IL1A: variants seen among roughly 807,000 people sequenced by gnomAD.
IL1A encodes the protein interleukin-1 alpha.
IL1A carries 16 observed loss-of-function variants against 22.2 expected under a neutral mutation model. The ratio of observed to expected loss-of-function variants is 0.72; its 90% CI spans 0.49 to 1.09. IL1A has a LOEUF of 1.09. IL1A is among the 50% of genes least tolerant of loss of function. The pLI is 0.00. For missense variants in IL1A, 317 were observed against 321.8 expected, an observed-to-expected ratio of 0.99 and a Z score of 0.11; for synonymous variants, 113 against 118.5, an observed-to-expected ratio of 0.95 and a Z score of 0.30.
rs760758291 is a variant in IL1A at position 112,781,773 on chromosome 2, T to A, written c.150A>T (p.Gln50His). The part of the protein sequence containing the change: ...YGPLHEGCMD[Q>H]SVSLSISETS... ...TTTCAGAGATACTCAGAGACACAGA[T>A]TGATCCATGCAGCCTTCATGGAGTG... is the stretch of plus-strand genomic sequence containing the variant. The change falls in exon 4 of 7, where the codon CAA becomes CAT. Residue 50 changes from glutamine (Q) to histidine (H), a missense_variant. Transcript: ENST00000263339. The A allele has an allele frequency of 6.2e-7, 1 of 1,614,168 alleles. No individual in the cohort carries two copies. The highest frequency in any genetic ancestry group is 1.1e-5 in the South Asian group (1 of 91,076).
At chr2:112,782,394 C>T (rs1433287343) in intron 3 of IL1A, among the ~76,000 whole-genome samples, 2 of 152,198 alleles carry the variant, frequency 1.3e-5, no homozygotes, top group East Asian at 1.9e-4. Context: ...CAACACATCA[C>T]GTTAGGAGAC....
intron 3 of IL1A, among the ~76,000 whole-genome samples, chr2:112,782,454 A>G (rs1037698799): frequency 6.6e-6 from 1 of 152,196 alleles, no homozygotes; most frequent in African/African-American, 2.4e-5. Flanking sequence ...TGGCATAACT[A>G]ACATCCTGAT....
At chr2:112,783,812 G>A (rs781201225) in intron 1 of IL1A, 34 bp from the exon 2 acceptor site, 2 of 1,593,766 alleles carry the variant, frequency 1.3e-6, no homozygotes, top group Non-Finnish European at 1.7e-6. Flanking sequence ...CATCAGCTCA[G>A]CCAGCCTCTA....
intron 4 of IL1A, among the ~76,000 whole-genome samples, chr2:112,781,169 A>C (rs1422254772): frequency 6.6e-6 from 1 of 152,220 alleles, no homozygotes; most frequent in African/African-American, 2.4e-5. Context: ...CAGCTAGCTC[A>C]GTCTGTAAAG....
intron 1 of IL1A, among the ~76,000 whole-genome samples, chr2:112,784,109 T>G (rs1235787848): frequency 6.6e-6 from 1 of 152,192 alleles, no homozygotes; most frequent in African/African-American, 2.4e-5. Flanking sequence ...TACACAGAGG[T>G]AAGAGAGAGA....
chr2:112,779,544 T>G lies in IL1A; in HGVS notation c.442A>C (p.Asn148His). 1 of 1,609,856 alleles carries G rather than the reference T, an allele frequency of 6.2e-7. No homozygotes were observed. The highest frequency in any genetic ancestry group is 8.5e-7 in the Non-Finnish European group (1 of 1,176,790). Residue 148 changes from asparagine (N) to histidine (H), a missense_variant, in exon 5 of 7, where the codon AAT becomes CAT. By Grantham distance (68) the Asn-to-His change is moderately conservative. Transcript: ENST00000263339. Reference sequence around the variant, plus strand: ...GCAGCAGCCGTGAGGTACTGATCATTGGCTCGAATTATACTTTGATTGAGG... The same window carrying G: ...GCAGCAGCCGTGAGGTACTGATCATGGGCTCGAATTATACTTTGATTGAGG... Reference protein sequence around the residue: ...DALNQSIIRANDQYLTAAALH... With the variant: ...DALNQSIIRAHDQYLTAAALH...
rs1681079393 is a variant in IL1A at position 112,775,184 on chromosome 2, A to G, written c.699T>C (p.Tyr233=). 5.0e-6 allele frequency: 8 copies of G among 1,614,088 alleles called. No individual in the cohort carries two copies. The highest frequency in any genetic ancestry group is 3.3e-5 in the Admixed American group (2 of 60,012). The change falls in exon 7 of 7, where the codon TAT becomes TAC. Residue 233 remains tyrosine, a synonymous_variant. Coordinates refer to ENST00000263339, the MANE Select transcript of IL1A (RefSeq NM_000575.5). ...FFWETHGTKN[Y]FTSVAHPNLF... Reference sequence around the variant, plus strand: ...AGTTTGGATGGGCAACTGATGTGAAATAGTTCTTAGTGCCGTGAGTTTCCC... The same window carrying G: ...AGTTTGGATGGGCAACTGATGTGAAGTAGTTCTTAGTGCCGTGAGTTTCCC...
chr2:112,781,834 G>C lies in IL1A; in HGVS notation c.97-8C>G. On this transcript the variant is annotated splice_polypyrimidine_tract_variant and splice_region_variant and intron_variant, in intron 3 of 6. Coordinates refer to ENST00000263339, the MANE Select transcript of IL1A (RefSeq NM_000575.5). ...TACATGATAGAAGGATTTCTGTGAG[G>C]AAGGAAAACAGAAGCTGAGAGGCTG... is the stretch of plus-strand genomic sequence containing the variant. 6.3e-7 allele frequency: 1 copy of C among 1,596,100 alleles called. No individual in the cohort carries two copies. Among genetic ancestry groups the C allele is most frequent in the Non-Finnish European group, 8.6e-7 (1 of 1,163,584 alleles).
rs1681061371 is a variant in IL1A, at chr2:112,774,465, A to G, written c.*602T>C. 6.6e-6 allele frequency: 1 copy of G among 151,274 alleles called. No homozygotes were observed. The highest frequency in any genetic ancestry group is 2.4e-5 in the African/African-American group (1 of 41,322). The allele number at this position is 151,274 out of a possible 1,614,324, so 9.4% of individuals were successfully genotyped here. A position where few individuals can be genotyped will look rare whatever the true frequency, so the allele number is the denominator to read the frequency against. ...TACATATATAAATAATAATTAAAAA[A>G]TAACATTTCGTGCTTTGCCTTCATC... On this transcript the variant is annotated 3_prime_UTR_variant, in exon 7 of 7. Coordinates refer to ENST00000263339, the MANE Select transcript of IL1A (RefSeq NM_000575.5).
chr2:112,774,905 A>G lies in IL1A; in HGVS notation c.*162T>C, dbSNP rs1681073780. The G allele has an allele frequency of 1.7e-6, 1 of 600,764 alleles. No homozygotes were observed. The highest frequency in any genetic ancestry group is 2.8e-5 in the East Asian group (1 of 35,802). The allele number at this position is 600,764 out of a possible 1,614,324, so 37.2% of individuals were successfully genotyped here. ...TCTTTAAATAACAACATTATATGTT[A>G]GTGTTGGTTCCACTCTTACAAAGAG... is the stretch of plus-strand genomic sequence containing the variant. On this transcript the variant is annotated 3_prime_UTR_variant, in exon 7 of 7. Coordinates refer to ENST00000263339, the MANE Select transcript of IL1A (RefSeq NM_000575.5).
intron 6 of IL1A, among the ~76,000 whole-genome samples, chr2:112,776,457 C>T (rs1465329338): frequency 7.4e-6 from 1 of 135,272 alleles, no homozygotes; most frequent in Non-Finnish European, 1.6e-5. Flanking sequence ...TGACCCGCCC[C>T]CTCCTCTGAA....
intron 4 of IL1A, among the ~76,000 whole-genome samples, chr2:112,780,380 G>T (rs1052950838): frequency 6.6e-6 from 1 of 152,186 alleles, no homozygotes; most frequent in Non-Finnish European, 1.5e-5. Context: ...TCTCACTGAC[G>T]ATATGAGTGA....
rs761519169 is a variant in IL1A, at chr2:112,779,673, C to G, written c.320-7G>C. 1.3e-6 allele frequency: 2 copies of G among 1,592,274 alleles called. No individual in the cohort carries two copies. The highest frequency in any genetic ancestry group is 1.7e-6 in the Non-Finnish European group (2 of 1,162,584). On this transcript the variant is annotated splice_polypyrimidine_tract_variant and splice_region_variant and intron_variant, in intron 4 of 6. Coordinates refer to ENST00000263339, the MANE Select transcript of IL1A (RefSeq NM_000575.5). ...GACCTAGGCTTGATGATTTCTAAAA[C>G]CATGATCACAAGTGCAGATTAATGT...
rs768318856 is a variant in IL1A, at chr2:112,779,651, C to A, written c.335G>T (p.Arg112Met). Residue 112 changes from arginine to methionine, a missense_variant, in exon 5 of 7, where the codon AGG becomes ATG. Coordinates refer to ENST00000263339, the MANE Select transcript of IL1A (RefSeq NM_000575.5). ...GCTCAGGAAGCTAAAAGGTGCTGAC[C>A]TAGGCTTGATGATTTCTAAAACCAT... ...NDSEEEIIKP[R>M]SAPFSFLSNV... is the part of the protein sequence containing the mutation. 1 of 1,603,702 alleles carries A rather than the reference C, an allele frequency of 6.2e-7. No individual in the cohort carries two copies. The highest frequency in any genetic ancestry group is 8.5e-7 in the Non-Finnish European group (1 of 1,171,446).
intron 4 of IL1A, among the ~76,000 whole-genome samples, chr2:112,780,657 A>G (rs1681180270): frequency 6.6e-6 from 1 of 152,196 alleles, no homozygotes; most frequent in African/African-American, 2.4e-5. Context: ...AGAAGGTAGG[A>G]TTCTTGTGAG....
chr2:112,779,784 G>T, intron 4 of IL1A, 118 bp from the exon 5 acceptor site: 1 of 576,640 alleles, frequency 1.7e-6, no homozygotes, highest in Non-Finnish European at 2.7e-6. Flanking sequence ...TTCCAATCCA[G>T]ATGAGGAAGC....
chr2:112,780,212 G>C (rs908741770), intron 4 of IL1A, among the ~76,000 whole-genome samples: 2 of 152,016 alleles, frequency 1.3e-5, no homozygotes, highest in Admixed American at 6.6e-5. Flanking sequence ...GGTGAAAAAC[G>C]GGCACTCTAA....
Position 112,782,732 on chromosome 2 carries a change from T to C in IL1A, c.80A>G (p.His27Arg). Reference sequence around the variant, plus strand: ...TTTGCTTACCTGATTCAGAGACAGATGATCAATGGAGGAACTGTCTTCTTC... The same window carrying C: ...TTTGCTTACCTGATTCAGAGACAGACGATCAATGGAGGAACTGTCTTCTTC... ...ENEEDSSSID[H>R]LSLNQKSFYH... is the part of the protein sequence containing the mutation. The change falls in exon 3 of 7, where the codon CAT becomes CGT. Residue 27 changes from histidine (H) to arginine (R), a missense_variant. Transcript: ENST00000263339. 1 of 1,608,276 alleles carries C rather than the reference T, an allele frequency of 6.2e-7. No homozygotes were observed. Among genetic ancestry groups the C allele is most frequent in the Non-Finnish European group, 8.5e-7 (1 of 1,174,678 alleles).
intron 4 of IL1A, 96 bp from the exon 5 acceptor site, chr2:112,779,762 A>G (rs2856841): frequency 0.26 from 198,541 of 764,626 alleles, 27,518 homozygotes; most frequent in Middle Eastern, 0.33. Flanking sequence ...TCTGGAGGGG[A>G]TATTAGGAAT....
Sources: gnomAD v4.1 joint callset for allele counts (sites outside exome capture counted in the v4.1 genomes callset) on GRCh38, gnomAD v4.1.1 for gene constraint, MANE v1.5 for transcripts, NCBI Gene and HGNC (gene_info 2026-07-23, HGNC 2026-07-21) for gene names.